ZNF208: variants seen among roughly 807,000 people sequenced by gnomAD.
ZNF208 encodes the protein zinc finger protein 95.
In ZNF208, 10 loss-of-function variants were observed where a neutral mutation model predicts 12.1. The observed-to-expected ratio is 0.83, with a 90% CI of 0.51 to 1.40. ZNF208 has a LOEUF of 1.40. Among genes scored for constraint, ZNF208 ranks in the 40% most tolerant of loss-of-function variants. The pLI, the probability that ZNF208 is intolerant of heterozygous loss-of-function variation, is 0.00. For missense variants in ZNF208, 1,652 were observed against 1,485.0 expected, an observed-to-expected ratio of 1.11 and a Z score of -1.85; for synonymous variants, 497 against 488.4, an observed-to-expected ratio of 1.02 and a Z score of -0.23.
At chr19:21,997,410 C>G (rs1004047862) in intron 1 of ZNF208, among the ~76,000 whole-genome samples, 5 of 152,154 alleles carry the variant, frequency 3.3e-5, no homozygotes, top group African/African-American at 1.2e-4. Context: ...GGCTTTGACT[C>G]TTCTACAAAA....
Position 21,988,769 on chromosome 19 carries a change from A to G in ZNF208, c.130+14T>C. ...TAGTGTATACTAGGAATTGCGTATT[A>G]AAGTTATTCTCACCCAGGAAGACCA... On this transcript the variant is annotated intron_variant, in intron 2 of 3. Transcript: ENST00000397126. The G allele has an allele frequency of 6.2e-7, 1 of 1,614,028 alleles. No individual in the cohort carries two copies. The highest frequency in any genetic ancestry group is 2.2e-5 in the East Asian group (1 of 44,868).
chr19:21,977,706 T>C (rs1450369575), intron 3 of ZNF208, among the ~76,000 whole-genome samples: 7 of 151,994 alleles, frequency 4.6e-5, no homozygotes, highest in African/African-American at 1.2e-4. Flanking sequence ...CATACCCCAG[T>C]AGTGCCCAGA....
chr19:21,972,100 A>G lies in ZNF208; in HGVS notation c.2934T>C (p.Cys978=). The part of the protein sequence containing the change: ...TEEKPYKYEE[C]GKGFSTFSIL... ...TTGAGAATGTACTAAAGCCTTTGCCACATTCTTCATATTTGTAAGGTTTCT... is the reference window on the plus strand; with the variant it reads ...TTGAGAATGTACTAAAGCCTTTGCCGCATTCTTCATATTTGTAAGGTTTCT... Residue 978 remains cysteine, a synonymous_variant, in exon 4 of 4, where the codon TGT becomes TGC. Transcript: ENST00000397126. The G allele has an allele frequency of 1.9e-6, 3 of 1,613,450 alleles. No homozygotes were observed. The highest frequency in any genetic ancestry group is 1.7e-6 in the Non-Finnish European group (2 of 1,179,812).
At chr19:21,950,199 C>G (rs1568433681) in intron 4 of ZNF208, among the ~76,000 whole-genome samples, 1 of 152,114 alleles carries the variant, frequency 6.6e-6, no homozygotes, top group Admixed American at 6.5e-5. Context: ...CTATTTTTAT[C>G]TATATAAAAC....
At chr19:21,987,344 G>C in intron 2 of ZNF208, 33 bp from the exon 3 acceptor site, 1 of 1,579,336 alleles carries the variant, frequency 6.3e-7, no homozygotes, top group South Asian at 1.2e-5. Flanking sequence ...CATGCTTCTT[G>C]CTCATATTCT....
intron 4 of ZNF208, among the ~76,000 whole-genome samples, chr19:21,958,049 T>C (rs1164607332): frequency 1.3e-5 from 2 of 152,112 alleles, no homozygotes; most frequent in South Asian, 2.1e-4. Flanking sequence ...TGTGTTCTTA[T>C]TGTTCAATTC....
At chr19:22,007,118 T>C (rs191470052) in intron 1 of ZNF208, among the ~76,000 whole-genome samples, 197 of 152,290 alleles carry the variant, frequency 1.3e-3, no homozygotes, top group Admixed American at 4.7e-3. Context: ...TGTGGAAATA[T>C]ATTAATTCTC....
intron 4 of ZNF208, among the ~76,000 whole-genome samples, chr19:21,943,857 T>C (rs1329270602): frequency 2.0e-5 from 3 of 152,178 alleles, no homozygotes; most frequent in Non-Finnish European, 4.4e-5. Context: ...CTAAAAGTAT[T>C]GAGCCAGAAT....
Position 21,966,906 on chromosome 19 carries a change from A to C in ZNF208, c.*4285T>G, listed in dbSNP as rs1161189487. 2 of 152,146 alleles carry C rather than the reference A, an allele frequency of 1.3e-5. No individual in the cohort carries two copies. Among genetic ancestry groups the C allele is most frequent in the African/African-American group, 4.8e-5 (2 of 41,446 alleles). The allele number at this position is 152,146 out of a possible 1,614,324, so 9.4% of individuals were successfully genotyped here. On this transcript the variant is annotated 3_prime_UTR_variant, in exon 4 of 4. Coordinates refer to ENST00000397126, the MANE Select transcript of ZNF208 (RefSeq NM_007153.3). The stretch of plus-strand genomic sequence containing the variant: ...GGCAGCTCTTATGTCTTCCTTTGAG[A>C]AGAAGCTGGCTATTCATATCATGTT...
At chr19:21,959,395 A>G (rs1400094714) in intron 4 of ZNF208, among the ~76,000 whole-genome samples, 6 of 152,200 alleles carry the variant, frequency 3.9e-5, no homozygotes. Flanking sequence ...CAGAAAAAGA[A>G]AAATTAACTT....
chr19:21,989,778 A>T (rs1265986906), intron 1 of ZNF208, among the ~76,000 whole-genome samples: 9 of 152,144 alleles, frequency 5.9e-5, no homozygotes, highest in South Asian at 2.1e-4. Context: ...TGTCATTCTA[A>T]CTGGTGTGAG....
Position 21,988,845 on chromosome 19 carries a change from G to C in ZNF208, c.68C>G (p.Thr23Ser), listed in dbSNP as rs1308185571. Residue 23 changes from threonine (T) to serine (S), a missense_variant, in exon 2 of 4, where the codon ACT becomes AGT. Coordinates refer to ENST00000397126, the MANE Select transcript of ZNF208 (RefSeq NM_007153.3). ...FSLEEWQCLD[T>S]AQQNLYRNVM... ...ATTTCTATATAAATTCTGCTGTGCA[G>C]TGTCCAGGCATTGCCACTCCTCCAG... is the stretch of plus-strand genomic sequence containing the variant. The C allele has an allele frequency of 1.2e-6, 2 of 1,614,126 alleles. No individual in the cohort carries two copies. The highest frequency in any genetic ancestry group is 1.7e-6 in the Non-Finnish European group (2 of 1,179,972).
chr19:21,966,129 T>C lies in ZNF208; in HGVS notation c.*5062A>G, dbSNP rs1284619013. On this transcript the variant is annotated 3_prime_UTR_variant, in exon 4 of 4. Coordinates refer to ENST00000397126, the MANE Select transcript of ZNF208 (RefSeq NM_007153.3). The stretch of plus-strand genomic sequence containing the variant: ...AAAACATTTTATTATTTTTATTTTA[T>C]ATTTAAGGTACATGTGCAGATTTGT... The C allele has an allele frequency of 6.6e-6, 1 of 152,086 alleles. No individual in the cohort carries two copies. Among genetic ancestry groups the C allele is most frequent in the East Asian group, 1.9e-4 (1 of 5,188 alleles). 9.4% of individuals were successfully genotyped at this position (152,086 alleles called of 1,614,324 possible).
intron 1 of ZNF208, among the ~76,000 whole-genome samples, chr19:22,004,383 G>A (rs1971008612): frequency 2.0e-5 from 3 of 151,720 alleles, no homozygotes; most frequent in African/African-American, 7.3e-5. Context: ...GAGTATGGTG[G>A]CACACGCCTG....
chr19:21,985,402 C>A (rs962616774), intron 3 of ZNF208, among the ~76,000 whole-genome samples: 4 of 152,118 alleles, frequency 2.6e-5, no homozygotes, highest in Admixed American at 1.3e-4. Flanking sequence ...TGTAGTGAAA[C>A]CCCATCTCAA....
chr19:22,002,537 C>T (rs1359158677), intron 1 of ZNF208, among the ~76,000 whole-genome samples: 1 of 151,812 alleles, frequency 6.6e-6, no homozygotes, highest in Non-Finnish European at 1.5e-5. Flanking sequence ...TTAGTAGCAA[C>T]CCTATATATC....
intron 4 of ZNF208, among the ~76,000 whole-genome samples, chr19:21,949,169 GT>G (rs1169281155): frequency 6.6e-6 from 1 of 152,180 alleles, no homozygotes; most frequent in Non-Finnish European, 1.5e-5. Context: ...TCAGAAGGAA[GT>G]TGCTAAAACA....
chr19:21,990,198 A>G (rs981960748), intron 1 of ZNF208, among the ~76,000 whole-genome samples: 3 of 152,066 alleles, frequency 2.0e-5, no homozygotes, highest in African/African-American at 7.2e-5. Flanking sequence ...GTTTTCTTCT[A>G]GGGTTTTTAT....
downstream of ZNF208, among the ~76,000 whole-genome samples, chr19:21,963,076 A>G (rs527270203): frequency 7.9e-5 from 12 of 152,192 alleles, no homozygotes; most frequent in South Asian, 2.5e-3. Context: ...CCCACTTTAT[A>G]TCAGTGGAAA....
Sources: allele counts gnomAD v4.1 joint callset (sites outside exome capture counted in the v4.1 genomes callset), GRCh38; gene constraint gnomAD v4.1.1; transcripts MANE v1.5; gene names NCBI Gene and HGNC (gene_info 2026-07-23, HGNC 2026-07-21).